Variants in SFTPC observed in about 807,000 individuals in gnomAD.
SFTPC encodes surfactant protein C, also known as BRICHOS domain containing 6.
In SFTPC, 12 loss-of-function variants were observed where a neutral mutation model predicts 19.9. The observed-to-expected ratio is 0.60, with a 90% CI of 0.39 to 0.98. The LOEUF is 0.98. Among genes scored for constraint, SFTPC ranks in the 50% least tolerant of loss-of-function variants. SFTPC has a pLI of 0.00. For missense variants in SFTPC, 219 were observed against 252.2 expected (o/e 0.87, Z 0.89); for synonymous variants, 123 against 103.3 (o/e 1.19, Z -1.16).
chr8:22,158,613 A>G (rs1250621743), upstream of SFTPC: 1 of 152,260 alleles, frequency 6.6e-6, no homozygotes, highest in Non-Finnish European at 1.5e-5. Flanking sequence ...GATGAAGTAG[A>G]TGATGCTAAT....
At chr8:22,163,821 T>C (rs1261563484) in intron 4 of SFTPC, 80 bp from the exon 5 acceptor site, 1 of 1,299,274 alleles carries the variant, frequency 7.7e-7, no homozygotes, top group South Asian at 1.2e-5. Flanking sequence ...GATTGCCTGA[T>C]ATACCTGAAG....
chr8:22,159,904 G>A (rs1021349246), upstream of SFTPC: 20 of 841,046 alleles, frequency 2.4e-5, no homozygotes, highest in African/African-American at 3.1e-4. Context: ...GGGGGCGGGA[G>A]TAAGGGCCCT....
At position 22,163,112 on chromosome 8, in the gene SFTPC, C is replaced by G; in HGVS notation, c.234C>G (p.Ala78=). The change falls in exon 3 of 6, where the codon GCC becomes GCG. Residue 78 remains alanine, a synonymous_variant. Transcript: ENST00000679463. ...AGATGAGCATTGGGGCGCCGGAAGC[C>G]CAGCAACGCCTGGCCCTGAGTGAGC... ...VLEMSIGAPE[A]QQRLALSEHL... 1 of 1,614,152 alleles carries G rather than the reference C, an allele frequency of 6.2e-7. No individual in the cohort carries two copies.
In SFTPC at chr8:22,164,262, A is replaced by C; in HGVS notation, c.*19-4A>C. ...TCCATCCTCAACATTCCTTTGCTTC[A>C]CAGGGTCAGTGGAAGCCCCAACGGG... On this transcript the variant is annotated splice_region_variant and splice_polypyrimidine_tract_variant and intron_variant, in intron 5 of 5. Transcript: ENST00000679463. 9 of 1,536,158 alleles carry C rather than the reference A, an allele frequency of 5.9e-6. No homozygotes were observed. Among genetic ancestry groups the C allele is most frequent in the Non-Finnish European group, 7.8e-6 (9 of 1,146,886 alleles).
At chr8:22,162,965 T>G (rs1827817347) in intron 2 of SFTPC, 115 bp from the exon 3 acceptor site, 3 of 1,506,782 alleles carry the variant, frequency 2.0e-6, no homozygotes, top group Non-Finnish European at 1.8e-6. Context: ...TCAGCCTCCC[T>G]GAACTCTTGG....
chr8:22,161,910 C>T (rs1827743371), intron 1 of SFTPC, 40 bp downstream of exon 1: 2 of 1,598,788 alleles, frequency 1.3e-6, no homozygotes, highest in African/African-American at 1.3e-5. Flanking sequence ...TGTGCGCGCG[C>T]ACATGTGTGT....
chr8:22,160,139 C>G (rs1370048994), upstream of SFTPC, among the ~76,000 whole-genome samples: 3 of 152,208 alleles, frequency 2.0e-5, no homozygotes, highest in Admixed American at 1.3e-4. Context: ...ACACTTCCCT[C>G]CCTTTCTTCC....
chr8:22,161,409 G>T (rs972452169), upstream of SFTPC, among the ~76,000 whole-genome samples: 1 of 152,178 alleles, frequency 6.6e-6, no homozygotes, highest in South Asian at 2.1e-4. Flanking sequence ...TAGAAATTCT[G>T]CTGGGAAATA....
rs752666425 is a variant in SFTPC at position 22,162,645 on chromosome 8, C to CGTGGTG, written c.126_131dup (p.Val43_Val44dup). The CGTGGTG allele has an allele frequency of 6.2e-7, 1 of 1,614,080 alleles. No individual in the cohort carries two copies. Among genetic ancestry groups the CGTGGTG allele is most frequent in the African/African-American group, 1.3e-5 (1 of 75,032 alleles). On this transcript the variant is annotated inframe_insertion, in exon 2 of 6. Coordinates refer to ENST00000679463, the MANE Select transcript of SFTPC (RefSeq NM_001317778.2). ...CAGTGCACCTGAAACGCCTTCTTAT[C>CGTGGTG]GTGGTGGTGGTGGTGGTCCTCATCG...
At chr8:22,161,012 G>C (rs1423933669), upstream of SFTPC, among the ~76,000 whole-genome samples, 3 of 152,202 alleles carry the variant, frequency 2.0e-5, no homozygotes, top group African/African-American at 4.8e-5. Context: ...CCAGTGACCA[G>C]AGCCAGCCCT....
chr8:22,163,018 G>A (rs1467496919), intron 2 of SFTPC, 62 bp from the exon 3 acceptor site: 6 of 1,608,400 alleles, frequency 3.7e-6, no homozygotes, highest in Non-Finnish European at 5.1e-6. Context: ...TGAGTATGGG[G>A]ATGGGTACCA....
At chr8:22,161,928 C>T in intron 1 of SFTPC, 58 bp downstream of exon 1, 1 of 1,536,808 alleles carries the variant, frequency 6.5e-7, no homozygotes, top group Admixed American at 1.7e-5. Context: ...TGTGATGGGC[C>T]CTGCCTCCTC....
At chr8:22,160,673 G>A (rs1827680358), upstream of SFTPC, among the ~76,000 whole-genome samples, 1 of 152,152 alleles carries the variant, frequency 6.6e-6, no homozygotes, top group Non-Finnish European at 1.5e-5. Context: ...CCCAGGCCTG[G>A]ACTCTGCCAC....
intron 1 of SFTPC, 122 bp from the exon 2 acceptor site, chr8:22,162,451 TC>T: frequency 9.3e-7 from 1 of 1,079,430 alleles, no homozygotes; most frequent in Non-Finnish European, 1.4e-6. Flanking sequence ...CCCTTCCCTG[TC>T]CATCCATCGC....
At chr8:22,158,740 G>A (rs1408367395), upstream of SFTPC, 2 of 152,244 alleles carry the variant, frequency 1.3e-5, no homozygotes, top group Non-Finnish European at 2.9e-5. Context: ...TAACAAAGCA[G>A]AACGACTCAC....
chr8:22,162,330 A>G (rs2131813665), intron 1 of SFTPC, among the ~76,000 whole-genome samples: 1 of 152,282 alleles, frequency 6.6e-6, no homozygotes, highest in South Asian at 2.1e-4. Flanking sequence ...CAGGTGAAGC[A>G]GGCTCTCTTG....
chr8:22,160,159 T>G (rs1266458425), upstream of SFTPC, among the ~76,000 whole-genome samples: 2 of 152,212 alleles, frequency 1.3e-5, no homozygotes, highest in African/African-American at 4.8e-5. Flanking sequence ...CTCCCTGCGC[T>G]TCTCAGGGGC....
intron 3 of SFTPC, 106 bp from the exon 4 acceptor site, chr8:22,163,330 T>C: frequency 6.6e-7 from 1 of 1,526,396 alleles, no homozygotes; most frequent in Admixed American, 1.7e-5. Context: ...AGCCCCAGAT[T>C]CTAGTATGAC....
At chr8:22,158,277 G>A (rs1331539959), upstream of SFTPC, among the ~76,000 whole-genome samples, 1 of 152,218 alleles carries the variant, frequency 6.6e-6, no homozygotes, top group Non-Finnish European at 1.5e-5. Flanking sequence ...GCCCTTTGAT[G>A]TCTCCTTGCT....
Sources: gnomAD v4.1 joint callset for allele counts (sites outside exome capture counted in the v4.1 genomes callset) on GRCh38, gnomAD v4.1.1 for gene constraint, MANE v1.5 for transcripts, NCBI Gene and HGNC (gene_info 2026-07-23, HGNC 2026-07-21) for gene names.